Variants in NCOA2 observed in about 807,000 individuals in gnomAD.
NCOA2 encodes nuclear receptor coactivator 2.
In NCOA2, 21 loss-of-function variants were observed where a neutral mutation model predicts 145.1. The ratio of observed to expected loss-of-function variants is 0.14; its 90% CI spans 0.10 to 0.21. NCOA2 has a LOEUF of 0.21. NCOA2 is among the 10% of genes least tolerant of loss of function. NCOA2 has a pLI of 1.00. For missense variants in NCOA2, 1,472 were observed against 1,837.6 expected (o/e 0.80, Z 3.64); for synonymous variants, 619 against 637.5 (o/e 0.97, Z 0.44).
chr8:70,317,217 C>T (rs1805656056), intron 1 of NCOA2, among the ~76,000 whole-genome samples: 1 of 152,140 alleles, frequency 6.6e-6, no homozygotes, highest in Admixed American at 6.6e-5. Context: ...TTCTTGTGTG[C>T]TTTGGTAGGG....
intron 10 of NCOA2, among the ~76,000 whole-genome samples, chr8:70,159,244 T>TATATATATATATATATATCTGTATATATA: frequency 1.4e-5 from 1 of 69,282 alleles, no homozygotes; most frequent in Non-Finnish European, 2.9e-5. Context: ...ATATATATAT[T>TATATATATATATATATATCTGTATATATA]TTTTTTTTTT....
At chr8:70,186,030 A>G (rs1028434708) in intron 4 of NCOA2, among the ~76,000 whole-genome samples, 3 of 152,102 alleles carry the variant, frequency 2.0e-5, no homozygotes, top group African/African-American at 4.8e-5. Flanking sequence ...CCACCTAACA[A>G]TGAAAACGCA....
At chr8:70,185,815 G>T (rs1184950569) in intron 4 of NCOA2, among the ~76,000 whole-genome samples, 1 of 152,092 alleles carries the variant, frequency 6.6e-6, no homozygotes, top group African/African-American at 2.4e-5. Context: ...AAAATAAGTG[G>T]GTATATGAGA....
At chr8:70,446,216 C>T in the NCOA2 span, among the ~76,000 whole-genome samples, 2 of 152,158 alleles carry the variant, frequency 1.3e-5, no homozygotes, top group African/African-American at 2.4e-5. Context: ...AATTCGAGGA[C>T]GGCTCACTCG....
the NCOA2 span, among the ~76,000 whole-genome samples, chr8:70,436,441 G>C: frequency 6.6e-6 from 1 of 152,156 alleles, no homozygotes; most frequent in African/African-American, 2.4e-5. Context: ...CATGGTAAAG[G>C]CCATTAGTTC....
chr8:70,145,893 A>T (rs917257937), intron 12 of NCOA2, among the ~76,000 whole-genome samples: 1 of 152,224 alleles, frequency 6.6e-6, no homozygotes, highest in Non-Finnish European at 1.5e-5. Flanking sequence ...GGCCCCCCAA[A>T]GTGCTGGGAT....
chr8:70,443,992 C>G, the NCOA2 span, among the ~76,000 whole-genome samples: 1 of 152,194 alleles, frequency 6.6e-6, no homozygotes, highest in African/African-American at 2.4e-5. Context: ...CACACACGCA[C>G]ACACACAGAG....
chr8:70,156,210 A>T lies in NCOA2; in HGVS notation c.2155T>A (p.Ser719Thr), dbSNP rs1812271794. 6.2e-7 allele frequency: 1 copy of T among 1,613,260 alleles called. No homozygotes were observed. Among genetic ancestry groups the T allele is most frequent in the Non-Finnish European group, 8.5e-7 (1 of 1,179,768 alleles). ...TCTGATCCAGGAGCTGTGCTGCTGGACTCCTGGCTCAGGTCTTTGCCTGTG... is the reference window on the plus strand; with the variant it reads ...TCTGATCCAGGAGCTGTGCTGCTGGTCTCCTGGCTCAGGTCTTTGCCTGTG... ...EATGKDLSQE[S>T]SSTAPGSEVT... Residue 719 changes from serine to threonine, a missense_variant, in exon 11 of 23, where the codon TCC becomes ACC. This residue lies in a region of NCOA2 where 953 missense variants were observed against 1,062.1 expected (regional missense o/e 0.90). Transcript: ENST00000452400.
chr8:70,396,038 C>A (rs1813637367), intron 1 of NCOA2, among the ~76,000 whole-genome samples: 2 of 152,214 alleles, frequency 1.3e-5, no homozygotes, highest in Non-Finnish European at 2.9e-5. Flanking sequence ...CCACAAATAG[C>A]AGAGCAGAAG....
chr8:70,211,385 G>T (rs1819000104), intron 4 of NCOA2, among the ~76,000 whole-genome samples: 1 of 151,690 alleles, frequency 6.6e-6, no homozygotes, highest in African/African-American at 2.4e-5. Flanking sequence ...CTTGAACCCA[G>T]AAGGTGGAGG....
At chr8:70,367,733 A>G (rs568748622) in intron 1 of NCOA2, among the ~76,000 whole-genome samples, 4 of 152,358 alleles carry the variant, frequency 2.6e-5, no homozygotes, top group African/African-American at 9.6e-5. Flanking sequence ...AGAAAGAATC[A>G]AAGTGAAAAC....
intron 2 of NCOA2, among the ~76,000 whole-genome samples, chr8:70,250,458 T>C (rs1386541434): frequency 6.7e-6 from 1 of 148,672 alleles, no homozygotes; most frequent in Non-Finnish European, 1.5e-5. Context: ...TGGTCCCAGC[T>C]GTTCAGGAGG....
intron 1 of NCOA2, among the ~76,000 whole-genome samples, chr8:70,314,322 T>C (rs1805403675): frequency 6.6e-6 from 1 of 151,340 alleles, no homozygotes. Flanking sequence ...ACCTATATTA[T>C]CCTATTTCTA....
chr8:70,116,566 G>A (rs1487953244), intron 22 of NCOA2, among the ~76,000 whole-genome samples: 1 of 151,992 alleles, frequency 6.6e-6, no homozygotes, highest in Non-Finnish European at 1.5e-5. Flanking sequence ...AAAAATTCTG[G>A]AAAAAGCTCC....
At chr8:70,171,224 G>GTGGC (rs1814221359) in intron 5 of NCOA2, among the ~76,000 whole-genome samples, 1 of 152,188 alleles carries the variant, frequency 6.6e-6, no homozygotes, top group Non-Finnish European at 1.5e-5. Flanking sequence ...GATAATAACA[G>GTGGC]TGGCTGTGGA....
Position 70,218,080 on chromosome 8 carries a change from A to G in NCOA2, c.-19-1316T>C, listed in dbSNP as rs1390045308. 3.0e-4 allele frequency among the ~76,000 whole-genome samples: 45 copies of G among 152,184 alleles called. 1 individual carries two copies. Among genetic ancestry groups the G allele is most frequent in the Non-Finnish European group, 1.5e-4 (10 of 68,028 alleles). ...CAAAGAGCAAGGAGGGCTAAGGAAC[A>G]TAACGCGTACCAGTCAAACCGCCAG... is the stretch of plus-strand genomic sequence containing the variant. On this transcript the variant is annotated intron_variant, in intron 2 of 22. Transcript: ENST00000452400.
chr8:70,229,196 G>A (rs1345024733), intron 2 of NCOA2, among the ~76,000 whole-genome samples: 1 of 152,110 alleles, frequency 6.6e-6, no homozygotes, highest in African/African-American at 2.4e-5. Flanking sequence ...CAACTGTACT[G>A]ATAATTATTG....
chr8:70,214,919 T>C (rs1191086484), intron 3 of NCOA2, among the ~76,000 whole-genome samples: 1 of 152,112 alleles, frequency 6.6e-6, no homozygotes, highest in Non-Finnish European at 1.5e-5. Context: ...AGCAGCTTTC[T>C]GTATTTTTAT....
intron 6 of NCOA2, among the ~76,000 whole-genome samples, 179 bp from the exon 7 acceptor site, chr8:70,166,933 G>A (rs548259933): frequency 6.6e-6 from 1 of 151,846 alleles, no homozygotes; most frequent in African/African-American, 2.4e-5. Context: ...TTTACAACTT[G>A]GGAATATCTT....
Sources: allele counts gnomAD v4.1 joint callset (sites outside exome capture counted in the v4.1 genomes callset), GRCh38; gene constraint gnomAD v4.1.1; regional missense constraint gnomAD v4.1.1; transcripts MANE v1.5; gene names NCBI Gene and HGNC (gene_info 2026-07-23, HGNC 2026-07-21).